Variants in CTNNA3 observed in about 807,000 individuals in gnomAD.
The protein encoded by CTNNA3 is catenin alpha-3.
CTNNA3 carries 76 observed loss-of-function variants against 95.7 expected under a neutral mutation model. That is an observed-to-expected ratio of 0.79 (90% CI 0.66 to 0.96). The LOEUF (loss-of-function observed/expected upper bound fraction) is 0.96. Among genes scored for constraint, CTNNA3 ranks in the 40% least tolerant of loss-of-function variants. The probability of loss-of-function intolerance (pLI) is 0.00; values close to 1 mark genes in which losing one functional copy is unlikely to be tolerated. For synonymous variants in CTNNA3, 431 were observed against 374.4 expected (o/e 1.15, Z -1.74); for missense variants, 1,191 against 1,089.8 (o/e 1.09, Z -1.31).
chr10:66,396,847 G>A (rs2092981979), intron 11 of CTNNA3, among the ~76,000 whole-genome samples: 1 of 151,736 alleles, frequency 6.6e-6, no homozygotes, highest in Non-Finnish European at 1.5e-5. Flanking sequence ...TGATTGAAGT[G>A]AAACAATGAT....
intron 15 of CTNNA3, among the ~76,000 whole-genome samples, chr10:66,032,411 C>G (rs1186532359): frequency 1.3e-5 from 2 of 152,036 alleles, no homozygotes; most frequent in Admixed American, 6.6e-5. Flanking sequence ...ATTTAGAATG[C>G]TTGCTACTAG....
At chr10:66,765,920 C>G (rs1589230387) in intron 9 of CTNNA3, among the ~76,000 whole-genome samples, 1 of 151,936 alleles carries the variant, frequency 6.6e-6, no homozygotes. Flanking sequence ...AGTAATGCAG[C>G]TACAAAAAGA....
At position 66,147,694 on chromosome 10, in the gene CTNNA3, T is replaced by A. The variant is rs557130657; in HGVS notation, c.1885-44445A>T. Reference sequence around the variant, plus strand: ...CCTTTCAATATATATCTATATTTAGTGGCTGTTTTATACCTGTAAGATACG... The same window carrying A: ...CCTTTCAATATATATCTATATTTAGAGGCTGTTTTATACCTGTAAGATACG... On this transcript the variant is annotated intron_variant, in intron 13 of 17. Transcript: ENST00000433211. 6.7e-5 allele frequency among the ~76,000 whole-genome samples: 10 copies of A among 150,094 alleles called. No homozygotes were observed. In the South Asian group the frequency reaches 2.1e-3, roughly 32 times the overall value.
At chr10:67,738,637 C>A (rs1173445166) in intron 1 of CTNNA3, among the ~76,000 whole-genome samples, 1 of 151,842 alleles carries the variant, frequency 6.6e-6, no homozygotes, top group Non-Finnish European at 1.5e-5. Flanking sequence ...GATCAAACTA[C>A]TCTGAGCTAA....
At chr10:67,725,111 G>A (rs954289222) in intron 1 of CTNNA3, among the ~76,000 whole-genome samples, 3 of 151,396 alleles carry the variant, frequency 2.0e-5, no homozygotes, top group East Asian at 1.9e-4. Flanking sequence ...CAACGGATTC[G>A]TAGTTCTCCA....
chr10:67,557,164 C>G (rs970509242), intron 3 of CTNNA3, among the ~76,000 whole-genome samples: 4 of 151,998 alleles, frequency 2.6e-5, no homozygotes, highest in African/African-American at 9.7e-5. Flanking sequence ...CTAACCTTGA[C>G]TATAAATTAA....
At chr10:67,055,800 G>C (rs1054246765) in intron 7 of CTNNA3, among the ~76,000 whole-genome samples, 2 of 151,980 alleles carry the variant, frequency 1.3e-5, no homozygotes, top group Non-Finnish European at 2.9e-5. Flanking sequence ...GGATATCAGG[G>C]GTGTCTTAAA....
intron 5 of CTNNA3, among the ~76,000 whole-genome samples, chr10:67,489,764 TA>T (rs1848581310): frequency 6.7e-6 from 1 of 148,366 alleles, no homozygotes; most frequent in African/African-American, 2.5e-5. Context: ...TATATATACT[TA>T]AGTATATTTA....
intron 1 of CTNNA3, among the ~76,000 whole-genome samples, chr10:67,656,723 C>T (rs948366453): frequency 5.3e-5 from 8 of 151,610 alleles, no homozygotes; most frequent in African/African-American, 1.9e-4. Context: ...AGCAGACAGC[C>T]GGGGGAAGAG....
intron 7 of CTNNA3, among the ~76,000 whole-genome samples, chr10:67,074,495 C>T (rs903652983): frequency 1.3e-5 from 2 of 151,690 alleles, no homozygotes; most frequent in Non-Finnish European, 2.9e-5. Context: ...GGACTACAGG[C>T]GCCCACCACC....
At chr10:66,053,672 G>A (rs115599998) in intron 15 of CTNNA3, among the ~76,000 whole-genome samples, 237 of 152,078 alleles carry the variant, frequency 1.6e-3, no homozygotes, top group African/African-American at 5.6e-3. Flanking sequence ...TACACATTAT[G>A]AGGTACATGT....
intron 11 of CTNNA3, among the ~76,000 whole-genome samples, chr10:66,424,487 T>C (rs553006644): frequency 1.3e-5 from 2 of 152,140 alleles, no homozygotes; most frequent in East Asian, 3.9e-4. Context: ...ATTCCACAGG[T>C]TGTGAAATGA....
chr10:66,977,195 T>C (rs138037127), intron 7 of CTNNA3, among the ~76,000 whole-genome samples: 5 of 152,226 alleles, frequency 3.3e-5, no homozygotes, highest in African/African-American at 7.2e-5. Context: ...TCCTAGCACT[T>C]TGGGAGGCCG....
intron 14 of CTNNA3, among the ~76,000 whole-genome samples, chr10:66,070,950 T>C (rs1393891844): frequency 6.6e-6 from 1 of 152,028 alleles, no homozygotes; most frequent in African/African-American, 2.4e-5. Flanking sequence ...AAATTAAAAG[T>C]TCTAGAGAAT....
chr10:66,932,099 C>T (rs1564775843), intron 7 of CTNNA3, among the ~76,000 whole-genome samples: 1 of 152,132 alleles, frequency 6.6e-6, no homozygotes, highest in South Asian at 2.1e-4. Flanking sequence ...TGCCTCAGCG[C>T]TTTCTCCCTC....
intron 12 of CTNNA3, among the ~76,000 whole-genome samples, chr10:66,355,363 C>T (rs961032952): frequency 3.9e-5 from 6 of 151,970 alleles, no homozygotes; most frequent in African/African-American, 1.4e-4. Context: ...TAATATTATG[C>T]TCATAGGGCT....
chr10:65,926,483 T>C (rs1462516481), intron 17 of CTNNA3, among the ~76,000 whole-genome samples: 2 of 151,708 alleles, frequency 1.3e-5, no homozygotes, highest in Admixed American at 1.3e-4. Flanking sequence ...CCAATTTTTT[T>C]TTTTTTTTTT....
rs148524725 is a variant in CTNNA3, at chr10:66,282,016, T to G, written c.1733-1395A>C. Among the ~76,000 whole-genome samples, 620 of 151,992 alleles carry G rather than the reference T, an allele frequency of 4.1e-3. 5 individuals carry two copies. Among genetic ancestry groups the G allele is most frequent in the African/African-American group, 0.014 (586 of 41,548 alleles). ...TCAAATTTTAAATTCAATTCCTTAG[T>G]CATACTCATCCCATTTCAACTGCTT... On this transcript the variant is annotated intron_variant, in intron 12 of 17. Transcript: ENST00000433211.
intron 5 of CTNNA3, among the ~76,000 whole-genome samples, chr10:67,372,010 G>C (rs1322388482): frequency 1.3e-5 from 2 of 151,194 alleles, no homozygotes; most frequent in African/African-American, 2.4e-5. Context: ...TCTGTCTGTT[G>C]GCTGCATAAA....
Sources: allele counts gnomAD v4.1 joint callset (sites outside exome capture counted in the v4.1 genomes callset), GRCh38; gene constraint gnomAD v4.1.1; transcripts MANE v1.5; gene names NCBI Gene and HGNC (gene_info 2026-07-23, HGNC 2026-07-21).